The following AK9 variants were observed in gnomAD, a reference collection of about 807,000 sequenced individuals.
AK9 encodes adenylate kinase domain containing 1.
Under a neutral mutation model 239.6 loss-of-function variants are expected in AK9, and 191 were observed. The observed-to-expected ratio is 0.80, with a 90% CI of 0.71 to 0.90. The LOEUF (loss-of-function observed/expected upper bound fraction) is 0.90. Ranked by LOEUF, AK9 falls within the 40% of genes least tolerant of loss-of-function variation. AK9 has a pLI of 0.00. For missense variants in AK9, 1,995 were observed against 2,214.7 expected (o/e 0.90, Z 1.99); for synonymous variants, 689 against 721.0 (o/e 0.96, Z 0.71).
intron 22 of AK9, 36 bp from the exon 23 acceptor site, chr6:109,564,316 C>A: frequency 6.8e-7 from 1 of 1,476,556 alleles, no homozygotes; most frequent in Non-Finnish European, 9.1e-7. Flanking sequence ...AAAAAAGGGG[C>A]TTTAAATATC....
intron 29 of AK9, chr6:109,528,509 C>T (rs1486829748): frequency 1.8e-5 from 8 of 452,740 alleles, no homozygotes; most frequent in Non-Finnish European, 3.1e-5. Flanking sequence ...CCATAATTTT[C>T]TCAGTCCAAT....
chr6:109,636,677 T>C (rs1796747585), intron 10 of AK9, among the ~76,000 whole-genome samples: 1 of 150,146 alleles, frequency 6.7e-6, no homozygotes, highest in Non-Finnish European at 1.5e-5. Flanking sequence ...TTGTTTCACT[T>C]AGTATGTTTT....
Position 109,577,908 on chromosome 6 carries a change from T to G in AK9, c.2191+1642A>C, listed in dbSNP as rs1344555176. ...TTTCCTTCTCTCTCTCTTTCTCTCT[T>G]TCTTTCTTTCTTTCTTTTCTTCCTT... is the stretch of plus-strand genomic sequence containing the variant. On this transcript the variant is annotated intron_variant, in intron 20 of 40. Coordinates refer to ENST00000424296, the MANE Select transcript of AK9 (RefSeq NM_001145128.3). 2.7e-5 allele frequency among the ~76,000 whole-genome samples: 4 copies of G among 148,626 alleles called. No individual in the cohort carries two copies. In the East Asian group the frequency reaches 6.0e-4, roughly 22 times the overall value.
At chr6:109,603,660 GCCC>G (rs1420054711) in intron 17 of AK9, among the ~76,000 whole-genome samples, 1 of 152,216 alleles carries the variant, frequency 6.6e-6, no homozygotes, top group African/African-American at 2.4e-5. Flanking sequence ...GCTATGCCCT[GCCC>G]CCAGAGGTGG....
chr6:109,663,555 G>A (rs1466872313), intron 5 of AK9, among the ~76,000 whole-genome samples: 1 of 152,158 alleles, frequency 6.6e-6, no homozygotes, highest in African/African-American at 2.4e-5. Flanking sequence ...ATTAAGAAAA[G>A]CTTAATAATG....
At chr6:109,616,168 G>A (rs1347947518) in intron 13 of AK9, among the ~76,000 whole-genome samples, 1 of 152,028 alleles carries the variant, frequency 6.6e-6, no homozygotes, top group Non-Finnish European at 1.5e-5. Context: ...GGAAAAAGAG[G>A]GGTTTAAACT....
chr6:109,624,069 C>A (rs1048614809), intron 12 of AK9, among the ~76,000 whole-genome samples: 51 of 151,450 alleles, frequency 3.4e-4, no homozygotes, highest in African/African-American at 1.2e-3. Flanking sequence ...GTGGGGGTTG[C>A]TTAGTTTTCT....
intron 24 of AK9, among the ~76,000 whole-genome samples, chr6:109,553,108 C>G (rs563066851): frequency 6.6e-6 from 1 of 152,144 alleles, no homozygotes. Context: ...GTTACTGTAG[C>G]CTTGCAGCAA....
intron 6 of AK9, among the ~76,000 whole-genome samples, chr6:109,661,294 T>C (rs1011175608): frequency 6.6e-6 from 1 of 152,196 alleles, no homozygotes; most frequent in African/African-American, 2.4e-5. Flanking sequence ...ATCTAAGGTA[T>C]TTCTCTCATT....
chr6:109,631,779 T>C (rs1796108117), intron 12 of AK9: 1 of 152,108 alleles, frequency 6.6e-6, no homozygotes, highest in African/African-American at 2.4e-5. Context: ...ATCAACAGAA[T>C]ACAATAAAAC....
At chr6:109,644,316 CT>C (rs1490558942) in intron 9 of AK9, among the ~76,000 whole-genome samples, 16 of 152,260 alleles carry the variant, frequency 1.1e-4, no homozygotes, top group African/African-American at 3.1e-4. Flanking sequence ...TGGTTTTGAC[CT>C]GCCTTTCCCT....
chr6:109,550,369 T>TA, intron 24 of AK9, 67 bp from the exon 25 acceptor site: 1 of 1,405,126 alleles, frequency 7.1e-7, no homozygotes, highest in Non-Finnish European at 9.7e-7. Context: ...GATAATTTTT[T>TA]AAAATGCTTC....
At chr6:109,676,109 T>C (rs973725909) in intron 1 of AK9, among the ~76,000 whole-genome samples, 1 of 152,110 alleles carries the variant, frequency 6.6e-6, no homozygotes. Flanking sequence ...TGTATAAATT[T>C]TACCAGAAAT....
chr6:109,576,340 T>C (rs1204889177), intron 20 of AK9, among the ~76,000 whole-genome samples: 2 of 151,896 alleles, frequency 1.3e-5, no homozygotes, highest in East Asian at 1.9e-4. Flanking sequence ...GTGTCATTCA[T>C]GATTTCTTTC....
intron 8 of AK9, among the ~76,000 whole-genome samples, chr6:109,647,092 T>C (rs1400708576): frequency 1.3e-5 from 2 of 152,086 alleles, no homozygotes. Flanking sequence ...GAGGAAACAC[T>C]AAGCATGGAA....
At chr6:109,594,611 T>C (rs189309055) in intron 17 of AK9, among the ~76,000 whole-genome samples, 34 of 152,278 alleles carry the variant, frequency 2.2e-4, no homozygotes, top group Admixed American at 2.0e-3. Flanking sequence ...CTTCAAACTA[T>C]ACTACAAGAC....
intron 10 of AK9, among the ~76,000 whole-genome samples, chr6:109,635,299 G>A (rs1050495944): frequency 5.3e-5 from 8 of 152,140 alleles, no homozygotes; most frequent in African/African-American, 1.9e-4. Context: ...GCAAAGATAG[G>A]TATGGGAGGG....
At chr6:109,538,118 G>C (rs1478970967) in intron 27 of AK9, among the ~76,000 whole-genome samples, 1 of 152,130 alleles carries the variant, frequency 6.6e-6, no homozygotes, top group Non-Finnish European at 1.5e-5. Flanking sequence ...ATGTCTATTA[G>C]GTCCACTTGG....
chr6:109,509,505 A>G, intron 32 of AK9, 125 bp from the exon 33 acceptor site: 1 of 838,690 alleles, frequency 1.2e-6, no homozygotes, highest in Non-Finnish European at 1.8e-6. Context: ...CTGTCCCCCA[A>G]GTAGCAAACA....
Sources: gnomAD v4.1 joint callset for allele counts (sites outside exome capture counted in the v4.1 genomes callset) on GRCh38, gnomAD v4.1.1 for gene constraint, MANE v1.5 for transcripts, NCBI Gene and HGNC (gene_info 2026-07-23, HGNC 2026-07-21) for gene names.